Variants in GEMIN4 observed in about 807,000 individuals in gnomAD.
GEMIN4 encodes gem-associated protein 4.
GEMIN4 carries 59 observed loss-of-function variants against 76.8 expected under a neutral mutation model. The ratio of observed to expected loss-of-function variants is 0.77; its 90% confidence interval spans 0.62 to 0.95. The LOEUF (loss-of-function observed/expected upper bound fraction) is 0.95, where lower values mean the gene tolerates loss of function less well. Ranked by LOEUF, GEMIN4 falls within the 40% of genes least tolerant of loss-of-function variation. The probability of loss-of-function intolerance (pLI) is 0.00; values close to 1 mark genes in which losing one functional copy is unlikely to be tolerated. For synonymous variants in GEMIN4, 562 were observed against 559.7 expected (o/e 1.00, Z -0.06); for missense variants, 1,311 against 1,318.9 (o/e 0.99, Z 0.09).
chr17:752,258 G>A lies in GEMIN4; in HGVS notation c.-116C>T, dbSNP rs115320328. On this transcript the variant is annotated 5_prime_UTR_variant, in exon 1 of 2. Transcript: ENST00000319004. ...CAGGAGCCACGGCGGCCGCGCTTAGGCCTGCTCACAACCTCCGCCCGGCCC... is the reference window on the plus strand; with the variant it reads ...CAGGAGCCACGGCGGCCGCGCTTAGACCTGCTCACAACCTCCGCCCGGCCC... 1 of 1,227,338 alleles carries A rather than the reference G, an allele frequency of 8.1e-7. No individual in the cohort carries two copies. 76.0% of individuals were successfully genotyped at this position (1,227,338 alleles called of 1,614,324 possible).
chr17:744,913 G>A lies in GEMIN4; in HGVS notation c.3130C>T (p.Pro1044Ser), dbSNP rs1173349457. The A allele has an allele frequency of 6.2e-7, 1 of 1,613,576 alleles. No individual in the cohort carries two copies. The highest frequency in any genetic ancestry group is 1.7e-5 in the Admixed American group (1 of 59,986). ...FLKSIAEGIGPEERRQTLLQK... is the reference protein window; with the variant it reads ...FLKSIAEGIGSEERRQTLLQK... Reference sequence around the variant, plus strand: ...AACAGGGTTTGGCGCCGTTCTTCAGGGCCGATGCCCTCAGCAATGGACTTT... The same window carrying A: ...AACAGGGTTTGGCGCCGTTCTTCAGAGCCGATGCCCTCAGCAATGGACTTT... The change falls in exon 2 of 2, where the codon CCT becomes TCT. Residue 1044 changes from proline to serine, a missense_variant. This residue lies in a region of GEMIN4 where 1,208 missense variants were observed against 1,166.9 expected (regional missense o/e 1.04). Transcript: ENST00000319004.
chr17:751,741 G>C (rs560224117), intron 1 of GEMIN4: 2 of 228,350 alleles, frequency 8.8e-6, no homozygotes, highest in South Asian at 3.6e-4. Context: ...CGTCATGAGC[G>C]TAAGACACTT....
rs985745043 is a variant in GEMIN4 at position 752,226 on chromosome 17, G to T, written c.-84C>A. ...GCGGCGCGGGACGCACGGCACGATGGGAGACGCAGGAGCCACGGCGGCCGC... is the reference window on the plus strand; with the variant it reads ...GCGGCGCGGGACGCACGGCACGATGTGAGACGCAGGAGCCACGGCGGCCGC... On this transcript the variant is annotated 5_prime_UTR_variant, in exon 1 of 2. Coordinates refer to ENST00000319004, the MANE Select transcript of GEMIN4 (RefSeq NM_015721.3). 21 of 1,229,090 alleles carry T rather than the reference G, an allele frequency of 1.7e-5. No individual in the cohort carries two copies. The African/African-American group carries it at 3.0e-4, about 17-fold the overall frequency. The allele number at this position is 1,229,090 out of a possible 1,614,324, so 76.1% of individuals were successfully genotyped here.
rs935484968 is a variant in GEMIN4 at position 752,245 on chromosome 17, C to A, written c.-103G>T. 98 of 1,228,244 alleles carry A rather than the reference C, an allele frequency of 8.0e-5. No homozygotes were observed. In the African/African-American group the frequency reaches 1.4e-3, roughly 18 times the overall value. The allele number at this position is 1,228,244 out of a possible 1,614,324, so 76.1% of individuals were successfully genotyped here. ...ACGATGGGAGACGCAGGAGCCACGGCGGCCGCGCTTAGGCCTGCTCACAAC... is the reference window on the plus strand; with the variant it reads ...ACGATGGGAGACGCAGGAGCCACGGAGGCCGCGCTTAGGCCTGCTCACAAC... On this transcript the variant is annotated 5_prime_UTR_variant, in exon 1 of 2. Coordinates refer to ENST00000319004, the MANE Select transcript of GEMIN4 (RefSeq NM_015721.3).
rs762499045 is a variant in GEMIN4 at position 746,842 on chromosome 17, C to T, written c.1201G>A (p.Asp401Asn). Residue 401 changes from aspartate (D) to asparagine (N), a missense_variant, in exon 2 of 2, where the codon GAT (aspartate) becomes AAT (asparagine). By Grantham distance (23) the Asp-to-Asn change is conservative. Coordinates refer to ENST00000319004, the MANE Select transcript of GEMIN4 (RefSeq NM_015721.3). The surrounding 1 kb of genome is among the most constrained non-coding windows in gnomAD (Gnocchi z 4.3). The stretch of plus-strand genomic sequence containing the variant: ...GCCATGGCAATGGAAGCTGTGATAT[C>T]CTCCAAGGCCCTGTTCTTCAGCACC... ...STVLKNRALE[D>N]ITASIAMAVI... 1.5e-5 allele frequency: 25 copies of T among 1,613,782 alleles called. No homozygotes were observed. Among genetic ancestry groups the T allele is most frequent in the Non-Finnish European group, 2.1e-5 (25 of 1,179,750 alleles).
At chr17:752,628 C>T, upstream of GEMIN4, 1 of 1,003,744 alleles carries the variant, frequency 1.0e-6, no homozygotes, top group Non-Finnish European at 1.2e-6. Context: ...AGTCCCTCAA[C>T]GCGCTCCTGC....
In GEMIN4 at chr17:747,922, G is replaced by A. The variant is rs749471566; in HGVS notation, c.121C>T (p.Arg41Cys). Residue 41 changes from arginine to cysteine, a missense_variant, in exon 2 of 2, where the codon CGT (arginine) becomes TGT (cysteine). Physicochemically the swap from Arg to Cys is radical, Grantham distance 180. Around this residue, in one of 2 missense-constraint regions of GEMIN4, gnomAD observed 103 missense variants for 152.0 expected, o/e 0.68. Coordinates refer to ENST00000319004, the MANE Select transcript of GEMIN4 (RefSeq NM_015721.3). ...LAELTKSDWE[R>C]VGRPIVEALR... The stretch of plus-strand genomic sequence containing the variant: ...GCCTCCACGATGGGCCGTCCAACAC[G>A]TTCCCAGTCAGACTTTGTTAATTCT... The A allele has an allele frequency of 2.0e-5, 33 of 1,613,744 alleles. No individual in the cohort carries two copies. Among genetic ancestry groups the A allele is most frequent in the African/African-American group, 4.0e-5 (3 of 74,910 alleles).
At position 747,253 on chromosome 17, in the gene GEMIN4, C is replaced by A. The variant is rs780409881; in HGVS notation, c.790G>T (p.Val264Leu). The A allele has an allele frequency of 1.2e-6, 2 of 1,613,722 alleles. No homozygotes were observed. ...ACCGTGGCCAGTTTGTCCAGATACA[C>A]GGTTGCAGACACCTCCTGGGGGTCG... ...EDDPQEVSAT[V>L]YLDKLATVIS... The change falls in exon 2 of 2, where the codon GTG becomes TTG. Residue 264 changes from valine to leucine, a missense_variant. Transcript: ENST00000319004.
intron 1 of GEMIN4, chr17:749,379 A>G (rs1367977319): frequency 9.1e-5 from 15 of 164,940 alleles, no homozygotes; most frequent in Admixed American, 1.5e-4. Flanking sequence ...CAGCAATCAC[A>G]CGGCCACAGG....
At chr17:752,014 G>T (rs1414355560) in intron 1 of GEMIN4, 119 bp downstream of exon 1, 1 of 693,476 alleles carries the variant, frequency 1.4e-6, no homozygotes, top group East Asian at 3.5e-5. Flanking sequence ...CCCGACGCGG[G>T]GGACGTTTCG....
intron 1 of GEMIN4, 66 bp downstream of exon 1, chr17:752,067 G>C (rs1597566072): frequency 9.1e-7 from 1 of 1,101,566 alleles, no homozygotes. Flanking sequence ...GAGACGCGAC[G>C]GGGCAGCACC....
rs780418641 is a variant in GEMIN4, at chr17:746,868, G to A, written c.1175C>T (p.Thr392Met). The change falls in exon 2 of 2, where the codon ACG becomes ATG. Residue 392 changes from threonine (T) to methionine (M), a missense_variant. By Grantham distance (81) the Thr-to-Met change is moderately conservative (BLOSUM62 -1). This residue lies in a region of GEMIN4 where 1,208 missense variants were observed against 1,166.9 expected (regional missense o/e 1.04). Transcript: ENST00000319004. The surrounding 1 kb of genome is among the most constrained non-coding windows in gnomAD (Gnocchi z 4.3). ...CVRDFLRKTS[T>M]VLKNRALEDI... The stretch of plus-strand genomic sequence containing the variant: ...CTCCAAGGCCCTGTTCTTCAGCACC[G>A]TGCTCGTTTTCCTCAGGAAGTCCCT... The A allele has an allele frequency of 6.8e-6, 11 of 1,613,308 alleles. No homozygotes were observed. The highest frequency in any genetic ancestry group is 3.3e-5 in the South Asian group (3 of 91,078).
intron 1 of GEMIN4, 94 bp from the exon 2 acceptor site, chr17:748,126 G>GT: frequency 1.0e-6 from 1 of 964,240 alleles, no homozygotes; most frequent in Non-Finnish European, 1.5e-6. Context: ...GATGACAAGG[G>GT]TTTTAAAGGA....
Position 748,006 on chromosome 17 carries a change from T to C in GEMIN4, c.37A>G (p.Thr13Ala), listed in dbSNP as rs1904367287. ...AGCAAGAAGCCTCCATGCAGAATAGTCATTTCTTCACAGATGTTCAAGGGT... is the reference window on the plus strand; with the variant it reads ...AGCAAGAAGCCTCCATGCAGAATAGCCATTTCTTCACAGATGTTCAAGGGT... ...LGPLNICEEM[T>A]ILHGGFLLAE... Residue 13 changes from threonine to alanine, a missense_variant, in exon 2 of 2, where the codon ACT (threonine) becomes GCT (alanine). Physicochemically the swap from Thr to Ala is moderately conservative, Grantham distance 58. Around this residue, in one of 2 missense-constraint regions of GEMIN4, gnomAD observed 103 missense variants for 152.0 expected, o/e 0.68. Coordinates refer to ENST00000319004, the MANE Select transcript of GEMIN4 (RefSeq NM_015721.3). 6.2e-7 allele frequency: 1 copy of C among 1,609,178 alleles called. No individual in the cohort carries two copies. The highest frequency in any genetic ancestry group is 1.7e-5 in the Admixed American group (1 of 59,310).
rs1302358951 is a variant in GEMIN4, at chr17:746,789, A to G, written c.1254T>C (p.His418=). The G allele has an allele frequency of 1.9e-6, 3 of 1,613,758 alleles. No individual in the cohort carries two copies. The highest frequency in any genetic ancestry group is 1.1e-5 in the South Asian group (1 of 91,078). ...AGGCAAAAATGTAGCACACTTCCAT[A>G]TGGCGGTCCATCTTCTGCTGGATGA... is the stretch of plus-strand genomic sequence containing the variant. The part of the protein sequence containing the change: ...MAVIQQKMDR[H]MEVCYIFASE... Residue 418 remains histidine (H), a synonymous_variant, in exon 2 of 2, where the codon CAT becomes CAC. Coordinates refer to ENST00000319004, the MANE Select transcript of GEMIN4 (RefSeq NM_015721.3). The surrounding 1 kb of genome is among the most constrained non-coding windows in gnomAD (Gnocchi z 4.3).
In GEMIN4 at chr17:745,026, A is replaced by G. The variant is rs757187231; in HGVS notation, c.3017T>C (p.Leu1006Ser). Reference sequence around the variant, plus strand: ...AGTCTCATAGCAGGTGAGGGTTTCCAAGGCTAAAACGTAGAGTGGCTCACA... The same window carrying G: ...AGTCTCATAGCAGGTGAGGGTTTCCGAGGCTAAAACGTAGAGTGGCTCACA... ...EVCEPLYVLA[L>S]ETLTCYETLS... Residue 1006 changes from leucine to serine, a missense_variant, in exon 2 of 2, where the codon TTG becomes TCG. Physicochemically the swap from Leu to Ser is moderately radical, Grantham distance 145 (BLOSUM62 -2). Transcript: ENST00000319004. This position sits in a 1 kb window ranked among gnomAD's most constrained non-coding sequence, Gnocchi z 4.6. 2.5e-6 allele frequency: 4 copies of G among 1,613,922 alleles called. No homozygotes were observed. In the Admixed American group the frequency reaches 6.7e-5, roughly 27 times the overall value.
At chr17:752,559 C>G (rs1011333280), upstream of GEMIN4, 39 of 649,896 alleles carry the variant, frequency 6.0e-5, no homozygotes, top group Non-Finnish European at 7.6e-5. Context: ...CGCCCACCAC[C>G]CAGCGCGGCC....
upstream of GEMIN4, chr17:753,623 T>C (rs1214064607): frequency 6.5e-6 from 1 of 152,926 alleles, no homozygotes. Flanking sequence ...GTGACTGCTG[T>C]TGGAAAGGAG....
In GEMIN4 at chr17:747,068, C is replaced by G. The variant is rs761293011; in HGVS notation, c.975G>C (p.Arg325=). 15 of 1,613,524 alleles carry G rather than the reference C, an allele frequency of 9.3e-6. No homozygotes were observed. Among genetic ancestry groups the G allele is most frequent in the African/African-American group, 1.3e-5 (1 of 74,914 alleles). ...VGCEFLHHLL[R]EWGEELQAVL... ...CGGCCTGCAACTCCTCCCCCCACTC[C>G]CGCAGCAGGTGGTGCAGGAACTCGC... is the stretch of plus-strand genomic sequence containing the variant. Residue 325 remains arginine (R), a synonymous_variant, in exon 2 of 2, where the codon CGG becomes CGC. Coordinates refer to ENST00000319004, the MANE Select transcript of GEMIN4 (RefSeq NM_015721.3).
Sources: allele counts gnomAD v4.1 joint callset, GRCh38; gene constraint gnomAD v4.1.1; regional missense constraint gnomAD v4.1.1; non-coding constraint Gnocchi (gnomAD v3.1); transcripts MANE v1.5; gene names NCBI Gene and HGNC (gene_info 2026-07-23, HGNC 2026-07-21).